Variants in OPCML observed in about 807,000 individuals in gnomAD.
OPCML encodes opioid binding protein/cell adhesion molecule like.
Under a neutral mutation model 37.8 loss-of-function variants are expected in OPCML, and 13 were observed. The ratio of observed to expected loss-of-function variants is 0.34; its 90% CI spans 0.22 to 0.55. OPCML has a LOEUF of 0.55. Among genes scored for constraint, OPCML ranks in the 20% least tolerant of loss-of-function variants. The pLI, the probability that OPCML is intolerant of heterozygous loss-of-function variation, is 0.91. For synonymous variants in OPCML, 176 were observed against 168.8 expected, an observed-to-expected ratio of 1.04 and a Z score of -0.33; for missense variants, 341 against 435.6, an observed-to-expected ratio of 0.78 and a Z score of 1.93.
intron 2 of OPCML, among the ~76,000 whole-genome samples, chr11:132,853,576 C>T (rs1041994033): frequency 2.6e-5 from 4 of 152,140 alleles, no homozygotes; most frequent in Admixed American, 1.3e-4. Context: ...TACTATCACC[C>T]CACAAAAAAA....
intron 3 of OPCML, among the ~76,000 whole-genome samples, chr11:132,534,629 A>C (rs534882517): frequency 6.6e-6 from 1 of 152,292 alleles, no homozygotes; most frequent in South Asian, 2.1e-4. Context: ...GTGGAAACGG[A>C]AGTGAGAGGC....
At chr11:132,840,211 A>G (rs972467263) in intron 2 of OPCML, among the ~76,000 whole-genome samples, 3 of 152,204 alleles carry the variant, frequency 2.0e-5, no homozygotes, top group African/African-American at 7.2e-5. Flanking sequence ...TTGCATGTGT[A>G]GGGTTGGCCT....
intron 1 of OPCML, among the ~76,000 whole-genome samples, chr11:133,404,600 C>T (rs1485358359): frequency 2.0e-5 from 3 of 152,198 alleles, no homozygotes; most frequent in Non-Finnish European, 2.9e-5. Context: ...CACTACGCCA[C>T]ACTGCCTCTT....
intron 2 of OPCML, among the ~76,000 whole-genome samples, chr11:132,798,140 G>A (rs185378130): frequency 6.6e-5 from 10 of 151,774 alleles, no homozygotes; most frequent in East Asian, 1.9e-4. Flanking sequence ...GCATGATCTC[G>A]GCTCACCGCA....
intron 1 of OPCML, chr11:133,299,809 C>G (rs1308390736): frequency 1.3e-5 from 2 of 152,088 alleles, no homozygotes; most frequent in Non-Finnish European, 1.5e-5. Context: ...TGATGAAGAG[C>G]AGGTGAACGG....
chr11:133,469,223 T>G (rs1326747649), intron 1 of OPCML, among the ~76,000 whole-genome samples: 1 of 152,252 alleles, frequency 6.6e-6, no homozygotes, highest in Non-Finnish European at 1.5e-5. Context: ...CGGCCAATGA[T>G]GGACCACATA....
chr11:133,288,853 T>C (rs1942377726), intron 1 of OPCML, among the ~76,000 whole-genome samples: 1 of 152,136 alleles, frequency 6.6e-6, no homozygotes, highest in Non-Finnish European at 1.5e-5. Context: ...CAAAGGCTCA[T>C]GGTAATTAAG....
At chr11:133,028,656 G>A (rs78950017) in intron 1 of OPCML, among the ~76,000 whole-genome samples, 15,742 of 151,552 alleles carry the variant, frequency 0.1, 1,295 homozygotes, top group East Asian at 0.3. Flanking sequence ...GCAACCATAT[G>A]CAAAAGAATG....
chr11:132,691,441 C>A (rs1304009082), intron 2 of OPCML, among the ~76,000 whole-genome samples: 1 of 152,196 alleles, frequency 6.6e-6, no homozygotes, highest in Non-Finnish European at 1.5e-5. Context: ...ATTGTGTCAA[C>A]TTCTGTGTTA....
At position 133,109,627 on chromosome 11, in the gene OPCML, C is replaced by T. The variant is rs577951483; in HGVS notation, c.62-166617G>A. 1.2e-4 allele frequency among the ~76,000 whole-genome samples: 19 copies of T among 152,272 alleles called. No homozygotes were observed. The South Asian group carries it at 2.5e-3, about 20-fold the overall frequency. On this transcript the variant is annotated intron_variant, in intron 1 of 7. Transcript: ENST00000524381. Reference sequence around the variant, plus strand: ...TCTTGTAAGAAAAGTTCTCCAAGTTCCCACTCGACCCAGGAAGTCCAGCTG... The same window carrying T: ...TCTTGTAAGAAAAGTTCTCCAAGTTTCCACTCGACCCAGGAAGTCCAGCTG...
chr11:132,632,463 G>A (rs928607778), intron 3 of OPCML, among the ~76,000 whole-genome samples: 1 of 152,046 alleles, frequency 6.6e-6, no homozygotes, highest in African/African-American at 2.4e-5. Context: ...TCAGAAAGAT[G>A]AACTGATTTT....
At chr11:132,810,982 G>A (rs1051699595) in intron 2 of OPCML, among the ~76,000 whole-genome samples, 6 of 152,164 alleles carry the variant, frequency 3.9e-5, no homozygotes. Flanking sequence ...ATTCAGTCCA[G>A]TGTGTAACAA....
chr11:133,484,506 G>A (rs1335908374), intron 1 of OPCML, among the ~76,000 whole-genome samples: 1 of 152,120 alleles, frequency 6.6e-6, no homozygotes, highest in Non-Finnish European at 1.5e-5. Flanking sequence ...TAGTGGATAT[G>A]TTGCCAAAGA....
intron 1 of OPCML, among the ~76,000 whole-genome samples, chr11:133,274,417 G>A (rs1004038564): frequency 5.0e-4 from 76 of 152,168 alleles, no homozygotes; most frequent in Non-Finnish European, 2.4e-4. Flanking sequence ...GACAACAGAG[G>A]CAGGGACTGA....
chr11:133,384,263 A>G (rs1429234601), intron 1 of OPCML, among the ~76,000 whole-genome samples: 2 of 38,782 alleles, frequency 5.2e-5, no homozygotes, highest in African/African-American at 1.7e-4. Flanking sequence ...AAAAAAAAAA[A>G]AAGAAAAGAA....
At chr11:133,413,522 A>G (rs1403678779) in intron 1 of OPCML, among the ~76,000 whole-genome samples, 2 of 151,990 alleles carry the variant, frequency 1.3e-5, no homozygotes, top group South Asian at 4.1e-4. Context: ...AACAAACAAA[A>G]AAAAGAAATA....
At chr11:133,017,111 G>T (rs1947348519) in intron 1 of OPCML, among the ~76,000 whole-genome samples, 1 of 152,144 alleles carries the variant, frequency 6.6e-6, no homozygotes, top group Admixed American at 6.5e-5. Context: ...TCTCTTCTTG[G>T]CTTACAGATA....
At chr11:133,041,927 C>T (rs1230725823) in intron 1 of OPCML, among the ~76,000 whole-genome samples, 2 of 152,106 alleles carry the variant, frequency 1.3e-5, no homozygotes, top group African/African-American at 4.8e-5. Flanking sequence ...GAAGGGGCTG[C>T]GAGTCGCCTC....
chr11:132,944,063 C>T (rs999109314), intron 1 of OPCML, among the ~76,000 whole-genome samples: 8 of 151,936 alleles, frequency 5.3e-5, no homozygotes, highest in Admixed American at 1.3e-4. Context: ...TAACCTCCGC[C>T]GCGCCCACCG....
Sources: allele counts gnomAD v4.1 joint callset (sites outside exome capture counted in the v4.1 genomes callset), GRCh38; gene constraint gnomAD v4.1.1; transcripts MANE v1.5; gene names NCBI Gene and HGNC (gene_info 2026-07-23, HGNC 2026-07-21).